The following ANAPC10 variants were observed in gnomAD, a reference collection of about 807,000 sequenced individuals.
The protein encoded by ANAPC10 is anaphase-promoting complex subunit 10.
ANAPC10 carries 12 observed loss-of-function variants against 22.0 expected under a neutral mutation model. The observed-to-expected ratio is 0.55, with a 90% CI of 0.35 to 0.88. The LOEUF (loss-of-function observed/expected upper bound fraction) is 0.88. Ranked by LOEUF, ANAPC10 falls within the 40% of genes least tolerant of loss-of-function variation. ANAPC10 has a pLI of 0.01. For missense variants in ANAPC10, 188 were observed against 220.9 expected (o/e 0.85, Z 0.94); for synonymous variants, 65 against 69.5 (o/e 0.94, Z 0.32).
chr4:145,074,958 C>T (rs1276046478), intron 3 of ANAPC10, among the ~76,000 whole-genome samples: 1 of 152,106 alleles, frequency 6.6e-6, no homozygotes, highest in Non-Finnish European at 1.5e-5. Context: ...TACCATGTCC[C>T]CCAAAGTTTT....
rs1010541358 is a variant in ANAPC10, at chr4:145,055,609, T to A, written c.327+8963A>T. ...AAAAAAAGGAAATCCTGTCACATGA[T>A]ACAACATGAACCTTGAGTACATTAT... is the stretch of plus-strand genomic sequence containing the variant. On this transcript the variant is annotated intron_variant, in intron 4 of 4. Transcript: ENST00000507656. 4.6e-5 allele frequency among the ~76,000 whole-genome samples: 7 copies of A among 151,840 alleles called. No individual in the cohort carries two copies. In the South Asian group the frequency reaches 1.2e-3, roughly 27 times the overall value.
At chr4:145,045,386 T>A (rs1358268828) in intron 4 of ANAPC10, among the ~76,000 whole-genome samples, 3 of 151,982 alleles carry the variant, frequency 2.0e-5, no homozygotes, top group African/African-American at 7.2e-5. Context: ...AAAACTAAGA[T>A]CTGAAACCAG....
At chr4:145,000,664 G>C (rs755862868) in intron 4 of ANAPC10, among the ~76,000 whole-genome samples, 2 of 152,196 alleles carry the variant, frequency 1.3e-5, no homozygotes, top group Non-Finnish European at 2.9e-5. Flanking sequence ...TCTAGAACTA[G>C]AAATACTATT....
chr4:145,065,022 T>A (rs866337505), intron 3 of ANAPC10, among the ~76,000 whole-genome samples: 1 of 152,114 alleles, frequency 6.6e-6, no homozygotes, highest in Middle Eastern at 3.4e-3. Context: ...TTCATTTGTA[T>A]TTTAGACAAA....
At chr4:145,088,952 A>G (rs1322159755) in intron 2 of ANAPC10, among the ~76,000 whole-genome samples, 2 of 152,204 alleles carry the variant, frequency 1.3e-5, no homozygotes, top group Non-Finnish European at 2.9e-5. Flanking sequence ...AAAATGCCAA[A>G]TCAACTAACT....
Position 144,995,348 on chromosome 4 carries a change from T to A in ANAPC10, c.*25A>T. ...ATACAGGATAAAACAAAGATACGTTTAATGATTTTCGTCTCATTTTAAAGT... is the reference window on the plus strand; with the variant it reads ...ATACAGGATAAAACAAAGATACGTTAAATGATTTTCGTCTCATTTTAAAGT... On this transcript the variant is annotated 3_prime_UTR_variant, in exon 5 of 5. Coordinates refer to ENST00000507656, the MANE Select transcript of ANAPC10 (RefSeq NM_001256706.2). 1.4e-6 allele frequency: 2 copies of A among 1,452,354 alleles called. No individual in the cohort carries two copies. The highest frequency in any genetic ancestry group is 1.8e-5 in the Admixed American group (1 of 56,844). 90.0% of individuals were successfully genotyped at this position (1,452,354 alleles called of 1,614,324 possible).
At chr4:145,083,314 TATC>T (rs1368303972) in intron 2 of ANAPC10, among the ~76,000 whole-genome samples, 2 of 152,154 alleles carry the variant, frequency 1.3e-5, no homozygotes, top group East Asian at 1.9e-4. Flanking sequence ...TGTCTGGAAA[TATC>T]ATAATTATCT....
At chr4:145,082,944 ATAGT>A (rs913958491) in intron 2 of ANAPC10, among the ~76,000 whole-genome samples, 1 of 152,210 alleles carries the variant, frequency 6.6e-6, no homozygotes, top group Non-Finnish European at 1.5e-5. Flanking sequence ...CTCTCCAAAT[ATAGT>A]TAATGTTTTC....
intron 4 of ANAPC10, among the ~76,000 whole-genome samples, chr4:145,026,183 G>A (rs1358193833): frequency 6.6e-6 from 1 of 152,036 alleles, no homozygotes; most frequent in Admixed American, 6.6e-5. Flanking sequence ...TATTTTATGG[G>A]CAAAATGAAA....
At chr4:145,043,840 CT>C (rs201733381) in intron 4 of ANAPC10, among the ~76,000 whole-genome samples, 1 of 151,644 alleles carries the variant, frequency 6.6e-6, no homozygotes, top group Non-Finnish European at 1.5e-5. Context: ...AGATAAAATT[CT>C]TTTTTTTCCC....
intron 4 of ANAPC10, chr4:145,053,810 C>T (rs1393568230): frequency 1.6e-5 from 10 of 632,316 alleles, no homozygotes; most frequent in Non-Finnish European, 2.5e-5. Context: ...CCTGACTAGG[C>T]TCACCTCTAT....
intron 4 of ANAPC10, among the ~76,000 whole-genome samples, chr4:145,052,322 A>T (rs1232036790): frequency 6.6e-6 from 1 of 152,260 alleles, no homozygotes; most frequent in East Asian, 1.9e-4. Context: ...TGATTTAGTC[A>T]GTCTACAATG....
intron 4 of ANAPC10, among the ~76,000 whole-genome samples, chr4:145,004,468 G>A (rs1267724677): frequency 6.6e-6 from 1 of 152,128 alleles, no homozygotes; most frequent in African/African-American, 2.4e-5. Context: ...GTATGATGTT[G>A]GCTGTGGGTT....
chr4:145,023,767 C>G (rs1363313785), intron 4 of ANAPC10, among the ~76,000 whole-genome samples: 1 of 152,122 alleles, frequency 6.6e-6, no homozygotes, highest in Non-Finnish European at 1.5e-5. Flanking sequence ...ATGTTGATGG[C>G]TACTGACTGA....
chr4:145,094,176 A>G (rs985472658), intron 2 of ANAPC10, among the ~76,000 whole-genome samples: 2 of 152,242 alleles, frequency 1.3e-5, no homozygotes, highest in Non-Finnish European at 2.9e-5. Context: ...AAAAAGGAAT[A>G]AACTACAGAT....
intron 4 of ANAPC10, among the ~76,000 whole-genome samples, chr4:145,007,759 T>C (rs1201006270): frequency 6.7e-6 from 1 of 148,602 alleles, no homozygotes; most frequent in Non-Finnish European, 1.5e-5. Flanking sequence ...ACATCACAAT[T>C]AAAAGAACTA....
chr4:145,030,138 T>C (rs1291542217), intron 4 of ANAPC10, among the ~76,000 whole-genome samples: 2 of 152,164 alleles, frequency 1.3e-5, no homozygotes, highest in East Asian at 3.8e-4. Context: ...ATGGTGTTCC[T>C]AGAAGTGAAA....
intron 2 of ANAPC10, among the ~76,000 whole-genome samples, chr4:145,084,292 G>C (rs187757129): frequency 5.8e-4 from 88 of 152,270 alleles, no homozygotes; most frequent in Admixed American, 5.7e-3. Flanking sequence ...CAAATTACTA[G>C]TTAGCTAGAT....
intron 4 of ANAPC10, among the ~76,000 whole-genome samples, chr4:145,031,134 T>C (rs1278292397): frequency 6.6e-6 from 1 of 152,244 alleles, no homozygotes; most frequent in African/African-American, 2.4e-5. Flanking sequence ...CAATTTACCT[T>C]ACTGTCCTAC....
Sources: gnomAD v4.1 joint callset for allele counts (sites outside exome capture counted in the v4.1 genomes callset) on GRCh38, gnomAD v4.1.1 for gene constraint, MANE v1.5 for transcripts, NCBI Gene and HGNC (gene_info 2026-07-23, HGNC 2026-07-21) for gene names.